Variants in DISC1 observed in about 807,000 individuals in gnomAD.
DISC1 encodes DISC1 scaffold protein, also known as disrupted in schizophrenia 1 protein.
In DISC1, 57 loss-of-function variants were observed where a neutral mutation model predicts 84.5. That is an observed-to-expected ratio of 0.67 (90% CI 0.55 to 0.84). The LOEUF (loss-of-function observed/expected upper bound fraction) is 0.84, where lower values mean the gene tolerates loss of function less well. DISC1 is among the 40% of genes least tolerant of loss of function. DISC1 has a pLI of 0.00. For synonymous variants in DISC1, 411 were observed against 415.2 expected (o/e 0.99, Z 0.12); for missense variants, 1,000 against 1,057.8 (o/e 0.95, Z 0.76).
Position 231,859,610 on chromosome 1 carries a change from A to G in DISC1, c.1981+41093A>G, listed in dbSNP as rs372016335. 1.7e-4 allele frequency among the ~76,000 whole-genome samples: 26 copies of G among 152,312 alleles called. 2 individuals carry two copies. The highest frequency in any genetic ancestry group is 6.0e-4 in the African/African-American group (25 of 41,554). ...ACAAATGAATTTTGGGAGGGCACAA[A>G]CATCAGTCTGTAACATCCATTTGAT... On this transcript the variant is annotated intron_variant, in intron 9 of 12. Coordinates refer to ENST00000439617, the MANE Select transcript of DISC1 (RefSeq NM_018662.3).
At chr1:232,036,664 C>T (rs1409471280) in intron 12 of DISC1, 28 bp from the exon 13 acceptor site, 5 of 1,539,666 alleles carry the variant, frequency 3.2e-6, no homozygotes, top group Non-Finnish European at 4.4e-6. Context: ...CGATCACCTT[C>T]GAATGTGCTC....
chr1:232,006,364 A>G (rs1461817046), intron 10 of DISC1, among the ~76,000 whole-genome samples: 8 of 152,204 alleles, frequency 5.3e-5, no homozygotes, highest in Admixed American at 5.2e-4. Flanking sequence ...TGATATGGAT[A>G]ATGAAGTCCA....
chr1:231,987,046 A>C (rs909492732), intron 10 of DISC1, among the ~76,000 whole-genome samples: 1 of 152,186 alleles, frequency 6.6e-6, no homozygotes, highest in Non-Finnish European at 1.5e-5. Context: ...CGGTCTGTTC[A>C]TGAGAAAGGG....
intron 9 of DISC1, among the ~76,000 whole-genome samples, chr1:231,891,692 GT>G (rs1441740497): frequency 4.6e-5 from 7 of 152,154 alleles, no homozygotes; most frequent in Admixed American, 4.6e-4. Flanking sequence ...TTGTTGGGTG[GT>G]GTGGGCGTCA....
intron 1 of DISC1, among the ~76,000 whole-genome samples, chr1:231,631,182 C>T (rs1448985881): frequency 2.6e-5 from 4 of 152,174 alleles, no homozygotes; most frequent in Admixed American, 2.6e-4. Flanking sequence ...GGTAAGATGT[C>T]GGCATCCTTA....
At chr1:231,951,757 T>C (rs1232159292) in intron 9 of DISC1, among the ~76,000 whole-genome samples, 5 of 152,114 alleles carry the variant, frequency 3.3e-5, no homozygotes, top group Admixed American at 2.0e-4. Flanking sequence ...GAATCTGGCA[T>C]GTGTTAGGCA....
Position 232,040,311 on chromosome 1 carries a change from A to G in DISC1, c.*3480A>G, listed in dbSNP as rs1348311450. On this transcript the variant is annotated 3_prime_UTR_variant, in exon 13 of 13. Coordinates refer to ENST00000439617, the MANE Select transcript of DISC1 (RefSeq NM_018662.3). ...ACCCGGCCAACTTTCTGAAATTTCA[A>G]AACTGAATTGATCCTTCTCCAAATT... 6.6e-6 allele frequency: 1 copy of G among 152,148 alleles called. No individual in the cohort carries two copies. Among genetic ancestry groups the G allele is most frequent in the Non-Finnish European group, 1.5e-5 (1 of 68,040 alleles). The allele number at this position is 152,148 out of a possible 1,614,324, so 9.4% of individuals were successfully genotyped here.
At chr1:231,690,171 G>C (rs2064820437) in intron 1 of DISC1, among the ~76,000 whole-genome samples, 1 of 152,162 alleles carries the variant, frequency 6.6e-6, no homozygotes, top group Non-Finnish European at 1.5e-5. Context: ...CCTCCAATCA[G>C]AGCTTGTTGG....
chr1:231,886,758 C>CT (rs1558691729), intron 9 of DISC1, among the ~76,000 whole-genome samples: 1 of 95,760 alleles, frequency 1.0e-5, no homozygotes, highest in Non-Finnish European at 2.2e-5. Context: ...TTCCTTTCTT[C>CT]CTTCCTTCCT....
At chr1:231,653,407 T>TA (rs1178271712) in intron 1 of DISC1, among the ~76,000 whole-genome samples, 4 of 152,192 alleles carry the variant, frequency 2.6e-5, no homozygotes, top group Non-Finnish European at 5.9e-5. Context: ...CCCTGGCCCT[T>TA]GCTGCTTAGC....
intron 6 of DISC1, among the ~76,000 whole-genome samples, chr1:231,780,804 T>C (rs1247513340): frequency 1.0e-5 from 1 of 96,310 alleles, no homozygotes; most frequent in African/African-American, 4.1e-5. Flanking sequence ...ATGTGGCACA[T>C]ATACACCATG....
At position 231,800,112 on chromosome 1, in the gene DISC1, G is replaced by A; in HGVS notation, c.1694G>A (p.Cys565Tyr). The A allele has an allele frequency of 6.2e-7, 1 of 1,609,404 alleles. No homozygotes were observed. Among genetic ancestry groups the A allele is most frequent in the South Asian group, 1.1e-5 (1 of 90,974 alleles). Reference sequence around the variant, plus strand: ...TGGTCATTTCTCTCCCCCTAGGTGTGTATGAGTGAGAAATTCTGCAGCACC... The same window carrying A: ...TGGTCATTTCTCTCCCCCTAGGTGTATATGAGTGAGAAATTCTGCAGCACC... ...LSLKEITTKVCMSEKFCSTLR... is the reference protein window; with the variant it reads ...LSLKEITTKVYMSEKFCSTLR... The change falls in exon 8 of 13, where the codon TGT (cysteine) becomes TAT (tyrosine). Residue 565 changes from cysteine to tyrosine, a missense_variant. By Grantham distance (194) the Cys-to-Tyr change is radical. Coordinates refer to ENST00000439617, the MANE Select transcript of DISC1 (RefSeq NM_018662.3).
At chr1:231,961,743 G>A (rs1187435434) in intron 10 of DISC1, among the ~76,000 whole-genome samples, 5 of 152,198 alleles carry the variant, frequency 3.3e-5, no homozygotes. Context: ...GTACTCTGTG[G>A]TATAAATGTA....
At position 232,027,011 on chromosome 1, in the gene DISC1, A is replaced by G. The variant is rs570364585; in HGVS notation, c.2425+459A>G. On this transcript the variant is annotated intron_variant, in intron 12 of 12. Transcript: ENST00000439617. The stretch of plus-strand genomic sequence containing the variant: ...AGTGATCCGCCCGCCTTGGCCTCCC[A>G]AAGTGCTGGGATTACAGGCTTGGGC... 1.2e-3 allele frequency among the ~76,000 whole-genome samples: 182 copies of G among 152,202 alleles called. 1 individual carries two copies. Among genetic ancestry groups the G allele is most frequent in the African/African-American group, 3.8e-3 (157 of 41,540 alleles).
intron 12 of DISC1, among the ~76,000 whole-genome samples, chr1:232,036,451 CCTTTTT>C (rs983664452): frequency 1.4e-4 from 21 of 152,310 alleles, no homozygotes; most frequent in African/African-American, 4.8e-4. Context: ...TCTTCCATTT[CCTTTTT>C]AAGACCTGAC....
chr1:231,866,434 A>G, intron 9 of DISC1: 1 of 717,882 alleles, frequency 1.4e-6, no homozygotes, highest in East Asian at 2.5e-5. Context: ...AAAAAATAAC[A>G]TCAATGATAA....
Position 232,003,045 on chromosome 1 carries a change from A to G in DISC1, c.2043-5740A>G, listed in dbSNP as rs143341447. Among the ~76,000 whole-genome samples the G allele has an allele frequency of 5.7e-3, 870 of 152,302 alleles. 14 individuals are homozygous for G. Among genetic ancestry groups the G allele is most frequent in the African/African-American group, 0.019 (796 of 41,566 alleles). ...TCTCTATACTCTTTCTTACAATTGT[A>G]TGTGAATTTAATAAAAAGAAAAAGA... On this transcript the variant is annotated intron_variant, in intron 10 of 12. Transcript: ENST00000439617.
intron 1 of DISC1, among the ~76,000 whole-genome samples, chr1:231,636,889 A>ATC (rs1024867352): frequency 3.9e-5 from 6 of 152,232 alleles, no homozygotes; most frequent in African/African-American, 1.4e-4. Flanking sequence ...TGCACCTATC[A>ATC]ACTTGTCATC....
At position 231,722,684 on chromosome 1, in the gene DISC1, GAA is replaced by G. The variant is rs565098249; in HGVS notation, c.1117+20664_1117+20665del. ...ATGACTTCTTTAGACATCATGAAAA[GAA>G]AAAGAGGACCCACGTGGAAGAATAC... is the stretch of plus-strand genomic sequence containing the variant. On this transcript the variant is annotated intron_variant, in intron 3 of 12. Coordinates refer to ENST00000439617, the MANE Select transcript of DISC1 (RefSeq NM_018662.3). 9.5e-5 allele frequency: 152 copies of G among 1,601,472 alleles called. No homozygotes were observed. In the African/African-American group the frequency reaches 1.8e-3, roughly 19 times the overall value.
Sources: gnomAD v4.1 joint callset for allele counts (sites outside exome capture counted in the v4.1 genomes callset) on GRCh38, gnomAD v4.1.1 for gene constraint, MANE v1.5 for transcripts, NCBI Gene and HGNC (gene_info 2026-07-23, HGNC 2026-07-21) for gene names.